The following RGMA variants were observed in gnomAD, a reference collection of about 807,000 sequenced individuals.
RGMA encodes repulsive guidance molecule BMP co-receptor a.
In RGMA, 10 loss-of-function variants were observed where a neutral mutation model predicts 23.2. That is an observed-to-expected ratio of 0.43 (90% CI 0.27 to 0.73). The LOEUF is 0.73. Ranked by LOEUF, RGMA falls within the 30% of genes least tolerant of loss-of-function variation. The pLI is 0.20. For synonymous variants in RGMA, 308 were observed against 279.3 expected (o/e 1.10, Z -1.03); for missense variants, 547 against 630.5 (o/e 0.87, Z 1.42).
rs748065880 is a variant in RGMA, at chr15:93,042,789, C to T, written c.*2209G>A. On this transcript the variant is annotated 3_prime_UTR_variant, in exon 4 of 4. Transcript: ENST00000329082. ...ACAGCTGCCAATAAACCTGGTCCCA[C>T]AGTGACGTGGACAGCAGCCTCCTGC... The T allele has an allele frequency of 2.0e-5, 3 of 152,380 alleles. No homozygotes were observed. Among genetic ancestry groups the T allele is most frequent in the Middle Eastern group, 3.4e-3 (1 of 294 alleles). 9.4% of individuals were successfully genotyped at this position (152,380 alleles called of 1,614,324 possible). A position where few individuals can be genotyped will look rare whatever the true frequency, so the allele number is the denominator to read the frequency against.
chr15:93,075,378 T>C (rs1424916109), intron 1 of RGMA, among the ~76,000 whole-genome samples: 1 of 152,104 alleles, frequency 6.6e-6, no homozygotes, highest in Admixed American at 6.5e-5. Flanking sequence ...TGATTCCTTT[T>C]TAGGAACAGT....
chr15:93,047,848 T>C (rs1596079949), intron 3 of RGMA, among the ~76,000 whole-genome samples: 1 of 152,038 alleles, frequency 6.6e-6, no homozygotes, highest in African/African-American at 2.4e-5. Context: ...CAGTGCGAGG[T>C]GCTAGAAAGC....
rs1019952111 is a variant in RGMA at position 93,082,283 on chromosome 15, G to A, written c.14+6636C>T. ...TCTGCAGAGTTCTGCAAGGACTCAC[G>A]GATAACCTTGACTTCTAGGTGGGTT... On this transcript the variant is annotated intron_variant, in intron 1 of 3. Transcript: ENST00000329082. Among the ~76,000 whole-genome samples, 8 of 152,310 alleles carry A rather than the reference G, an allele frequency of 5.3e-5. No individual in the cohort carries two copies. The South Asian group carries it at 1.0e-3, about 20-fold the overall frequency.
chr15:93,062,227 T>C (rs573303369), intron 2 of RGMA, among the ~76,000 whole-genome samples: 25 of 152,370 alleles, frequency 1.6e-4, no homozygotes, highest in African/African-American at 5.8e-4. Flanking sequence ...GACCCTTCTA[T>C]GTGCCGGGCA....
intron 1 of RGMA, among the ~76,000 whole-genome samples, chr15:93,081,483 A>G (rs11074138): frequency 0.99 from 151,513 of 152,348 alleles, 75,348 homozygotes; most frequent in East Asian, 1. Flanking sequence ...AACCGCCTGA[A>G]GTTTGAAAGC....
At chr15:93,065,880 G>A (rs542409498) in intron 2 of RGMA, 560 of 730,180 alleles carry the variant, frequency 7.7e-4, no homozygotes, top group Non-Finnish European at 1.2e-3. Context: ...GCTCTACCCC[G>A]TCAGTGCTCT....
At chr15:93,061,865 G>C (rs531262428) in intron 2 of RGMA, among the ~76,000 whole-genome samples, 1 of 152,144 alleles carries the variant, frequency 6.6e-6, no homozygotes, top group Non-Finnish European at 1.5e-5. Context: ...TAACAACGAA[G>C]CCCAATAAGA....
intron 1 of RGMA, among the ~76,000 whole-genome samples, chr15:93,084,452 G>C (rs912261691): frequency 2.0e-5 from 3 of 152,104 alleles, no homozygotes; most frequent in African/African-American, 7.2e-5. Flanking sequence ...ACGATCAGAT[G>C]TCAAGGTTTT....
At chr15:93,072,854 G>C (rs779305205) in intron 2 of RGMA, 62 bp downstream of exon 2, 109 of 1,544,272 alleles carry the variant, frequency 7.1e-5, no homozygotes, top group Non-Finnish European at 9.4e-5. Context: ...GCGCACATCT[G>C]GCCCAGCATT....
intron 1 of RGMA, among the ~76,000 whole-genome samples, chr15:93,075,083 T>C (rs2141843744): frequency 6.7e-6 from 1 of 148,614 alleles, no homozygotes; most frequent in Non-Finnish European, 1.5e-5. Context: ...GAATGGACTT[T>C]TCACAGCAGG....
At chr15:93,065,415 C>G (rs1211909330) in intron 2 of RGMA, among the ~76,000 whole-genome samples, 1 of 149,622 alleles carries the variant, frequency 6.7e-6, no homozygotes, top group Non-Finnish European at 1.5e-5. Flanking sequence ...AAAAAAAAAG[C>G]AAAAGGCTGT....
intron 2 of RGMA, among the ~76,000 whole-genome samples, chr15:93,068,220 A>G (rs1249562775): frequency 6.6e-6 from 1 of 152,200 alleles, no homozygotes; most frequent in African/African-American, 2.4e-5. Flanking sequence ...ACTGTCTTCA[A>G]TTTAAGGCTG....
At chr15:93,086,288 CAG>C (rs954137231) in intron 1 of RGMA, among the ~76,000 whole-genome samples, 14 of 152,204 alleles carry the variant, frequency 9.2e-5, no homozygotes, top group South Asian at 2.1e-4. Flanking sequence ...TTTCGTTTCA[CAG>C]AACTAACAGA....
At chr15:93,059,031 G>T (rs1032156172) in intron 2 of RGMA, among the ~76,000 whole-genome samples, 8 of 152,042 alleles carry the variant, frequency 5.3e-5, no homozygotes, top group African/African-American at 1.9e-4. Flanking sequence ...CCGATTAGAG[G>T]GCAAGAATTT....
intron 1 of RGMA, among the ~76,000 whole-genome samples, chr15:93,077,661 G>A (rs766555437): frequency 5.9e-5 from 9 of 152,214 alleles, no homozygotes; most frequent in Non-Finnish European, 1.0e-4. Flanking sequence ...AATCTTGTGC[G>A]AGGGTGAGTG....
Position 93,074,857 on chromosome 15 carries a change from T to G in RGMA, c.15-1826A>C, listed in dbSNP as rs574589404. ...GTGACCAAGTGGCCTTTCCACTAAT[T>G]AACACCATTTGCTAGAGTCTGCCTT... On this transcript the variant is annotated intron_variant, in intron 1 of 3. Coordinates refer to ENST00000329082, the MANE Select transcript of RGMA (RefSeq NM_020211.3). Among the ~76,000 whole-genome samples the G allele has an allele frequency of 5.9e-5, 9 of 152,276 alleles. No individual in the cohort carries two copies. The East Asian group carries it at 1.7e-3, about 29-fold the overall frequency.
At position 93,038,571 on chromosome 15, in the gene RGMA, T is replaced by TTTTTTTG. The variant is rs2054686612; in HGVS notation, c.*6426_*6427insCAAAAAA. 1 of 116,236 alleles carries TTTTTTTG rather than the reference T, an allele frequency of 8.6e-6. No homozygotes were observed. Among genetic ancestry groups the TTTTTTTG allele is most frequent in the Non-Finnish European group, 1.7e-5 (1 of 59,210 alleles). The allele number at this position is 116,236 out of a possible 1,614,324, so 7.2% of individuals were successfully genotyped here. Reference sequence around the variant, plus strand: ...CTTAATGAACGAAACTGTTAGTTGTTTTTTTTTTTTTTTTGAGACGGTGTC... The same window carrying TTTTTTTG: ...CTTAATGAACGAAACTGTTAGTTGTTTTTTTTGTTTTTTTTTTTTTTGAGACGGTGTC... On this transcript the variant is annotated 3_prime_UTR_variant, in exon 4 of 4. Coordinates refer to ENST00000329082, the MANE Select transcript of RGMA (RefSeq NM_020211.3).
intron 1 of RGMA, among the ~76,000 whole-genome samples, chr15:93,082,763 T>C (rs1895578867): frequency 6.6e-6 from 1 of 152,264 alleles, no homozygotes; most frequent in African/African-American, 2.4e-5. Flanking sequence ...AATAATTAGA[T>C]TATGGAATTG....
chr15:93,073,647 G>T, intron 1 of RGMA: 2 of 1,537,138 alleles, frequency 1.3e-6, no homozygotes, highest in Non-Finnish European at 1.7e-6. Flanking sequence ...CGGTGCAGGA[G>T]GCTGAAAAAC....
Sources: allele counts gnomAD v4.1 joint callset (sites outside exome capture counted in the v4.1 genomes callset), GRCh38; gene constraint gnomAD v4.1.1; transcripts MANE v1.5; gene names NCBI Gene and HGNC (gene_info 2026-07-23, HGNC 2026-07-21).